The following PHKB variants were observed in gnomAD, a reference collection of about 807,000 sequenced individuals.
PHKB encodes phosphorylase b kinase regulatory subunit beta.
A neutral mutation model predicts 152.1 loss-of-function variants in PHKB; 122 were observed. The observed-to-expected ratio is 0.80, with a 90% CI of 0.69 to 0.93. The LOEUF is 0.93. Ranked by LOEUF, PHKB falls within the 40% of genes least tolerant of loss-of-function variation. The pLI, the probability that PHKB is intolerant of heterozygous loss-of-function variation, is 0.00. For synonymous variants in PHKB, 436 were observed against 464.9 expected, an observed-to-expected ratio of 0.94 and a Z score of 0.80; for missense variants, 1,304 against 1,328.4, an observed-to-expected ratio of 0.98 and a Z score of 0.29.
In PHKB at chr16:47,663,707, A is replaced by G. The variant is rs16945474; in HGVS notation, c.2309A>G (p.Tyr770Cys). The change falls in exon 24 of 31, where the codon TAT becomes TGT. Residue 770 changes from tyrosine (Y) to cysteine (C), a missense_variant. Coordinates refer to ENST00000323584, the MANE Select transcript of PHKB (RefSeq NM_000293.3). ...GTTTCTGATCACATTGAGAGAGTCTATAGAAGAGCTGGCAGCCAAAAACTT... is the reference window on the plus strand; with the variant it reads ...GTTTCTGATCACATTGAGAGAGTCTGTAGAAGAGCTGGCAGCCAAAAACTT... ...GTVSDHIERV[Y>C]RRAGSQKLWL... 0.044 allele frequency: 70,604 copies of G among 1,611,382 alleles called. 2,190 individuals are homozygous for G. The highest frequency in any genetic ancestry group is 0.16 in the African/African-American group (11,682 of 74,918).
At chr16:47,492,550 G>A (rs779515200) in intron 1 of PHKB, among the ~76,000 whole-genome samples, 1 of 152,176 alleles carries the variant, frequency 6.6e-6, no homozygotes, top group Non-Finnish European at 1.5e-5. Flanking sequence ...CTGGCTGGGG[G>A]AGCGGAAGGC....
intron 13 of PHKB, among the ~76,000 whole-genome samples, chr16:47,601,067 G>T (rs1192700949): frequency 3.3e-5 from 5 of 152,076 alleles, no homozygotes; most frequent in Non-Finnish European, 7.4e-5. Context: ...CCTGAGCTCT[G>T]CCCGCCAGCC....
At chr16:47,630,548 A>C (rs1972808979) in intron 14 of PHKB, among the ~76,000 whole-genome samples, 1 of 152,172 alleles carries the variant, frequency 6.6e-6, no homozygotes, top group African/African-American at 2.4e-5. Context: ...GAGTTTTCTT[A>C]AAACCTGATC....
chr16:47,598,138 A>G (rs1432701659), intron 13 of PHKB: 2 of 152,378 alleles, frequency 1.3e-5, no homozygotes, highest in Middle Eastern at 3.2e-3. Flanking sequence ...TGCTTTACAT[A>G]CATAAGATCA....
chr16:47,506,602 T>G (rs1369697235), intron 4 of PHKB, among the ~76,000 whole-genome samples: 1 of 152,238 alleles, frequency 6.6e-6, no homozygotes, highest in Non-Finnish European at 1.5e-5. Flanking sequence ...AATTCAACTT[T>G]TCTCTCTAGG....
chr16:47,483,034 C>CTTTT (rs35429055), intron 1 of PHKB, among the ~76,000 whole-genome samples: 44 of 91,826 alleles, frequency 4.8e-4, no homozygotes, highest in East Asian at 1.0e-3. Flanking sequence ...TAAATAATTT[C>CTTTT]TTTTTTTTTT....
At chr16:47,576,716 T>C (rs1489306596) in intron 7 of PHKB, among the ~76,000 whole-genome samples, 19 of 152,230 alleles carry the variant, frequency 1.2e-4, no homozygotes, top group Admixed American at 1.2e-3. Flanking sequence ...AATATCCTTC[T>C]CTGTCTCTGA....
At chr16:47,674,670 T>C (rs1973695852) in intron 26 of PHKB, among the ~76,000 whole-genome samples, 2 of 152,222 alleles carry the variant, frequency 1.3e-5, no homozygotes, top group Admixed American at 1.3e-4. Flanking sequence ...GAGGAAATAA[T>C]ATTTTCCTGA....
intron 1 of PHKB, among the ~76,000 whole-genome samples, chr16:47,496,514 C>G (rs898676343): frequency 3.3e-5 from 5 of 151,936 alleles, no homozygotes; most frequent in African/African-American, 4.8e-5. Flanking sequence ...ATTATAGGTT[C>G]ATTTTTGTGC....
intron 14 of PHKB, among the ~76,000 whole-genome samples, chr16:47,635,079 G>C (rs1175376916): frequency 6.6e-6 from 1 of 152,190 alleles, no homozygotes; most frequent in Non-Finnish European, 1.5e-5. Flanking sequence ...AAGTAGAGTA[G>C]TATTAGCAGT....
At chr16:47,545,784 C>T (rs1482619702) in intron 6 of PHKB, among the ~76,000 whole-genome samples, 4 of 152,144 alleles carry the variant, frequency 2.6e-5, no homozygotes, top group East Asian at 3.8e-4. Context: ...AGGCCTTGTT[C>T]GTTTCTTTTT....
At position 47,701,302 on chromosome 16, in the gene PHKB, GA is replaced by G. The variant is rs1416983265; in HGVS notation, c.*1940del. The G allele has an allele frequency of 2.0e-5, 3 of 152,290 alleles. No individual in the cohort carries two copies. The highest frequency in any genetic ancestry group is 2.9e-5 in the Non-Finnish European group (2 of 68,022). 9.4% of individuals were successfully genotyped at this position (152,290 alleles called of 1,614,324 possible). A position where few individuals can be genotyped will look rare whatever the true frequency, so the allele number is the denominator to read the frequency against. ...TCTGATTAGCTGAGCAAAGTTACCA[GA>G]AAACTGCTATCCTAGTTGAAATCAA... On this transcript the variant is annotated 3_prime_UTR_variant, in exon 31 of 31. Transcript: ENST00000323584.
intron 9 of PHKB, 31 bp from the exon 10 acceptor site, chr16:47,588,874 A>G (rs1307526956): frequency 1.3e-6 from 2 of 1,570,564 alleles, no homozygotes; most frequent in Non-Finnish European, 8.8e-7. Flanking sequence ...CGCTGTGGAC[A>G]CTCACAGTCT....
chr16:47,559,604 A>C (rs897140440), intron 7 of PHKB, among the ~76,000 whole-genome samples: 5 of 152,142 alleles, frequency 3.3e-5, no homozygotes, highest in Admixed American at 6.5e-5. Flanking sequence ...GGACCTGTCC[A>C]CTGGAAGGCC....
At position 47,701,311 on chromosome 16, in the gene PHKB, T is replaced by C. The variant is rs891301418; in HGVS notation, c.*1945T>C. ...CTGAGCAAAGTTACCAGAAAACTGC[T>C]ATCCTAGTTGAAATCAAACATTACT... On this transcript the variant is annotated 3_prime_UTR_variant, in exon 31 of 31. Transcript: ENST00000323584. 3.3e-5 allele frequency: 5 copies of C among 152,256 alleles called. No homozygotes were observed. The highest frequency in any genetic ancestry group is 2.6e-4 in the Admixed American group (4 of 15,288). 9.4% of individuals were successfully genotyped at this position (152,256 alleles called of 1,614,324 possible).
At chr16:47,535,977 A>G (rs1372654944) in intron 6 of PHKB, among the ~76,000 whole-genome samples, 2 of 152,232 alleles carry the variant, frequency 1.3e-5, no homozygotes, top group African/African-American at 2.4e-5. Context: ...ATGGGCTAAC[A>G]ACATTGAGTA....
At chr16:47,655,352 A>G (rs902280383) in intron 20 of PHKB, among the ~76,000 whole-genome samples, 1 of 152,216 alleles carries the variant, frequency 6.6e-6, no homozygotes, top group Non-Finnish European at 1.5e-5. Flanking sequence ...AGAAATCAAA[A>G]TACTTTCAAG....
chr16:47,476,378 C>CT (rs1264487950), intron 1 of PHKB, among the ~76,000 whole-genome samples: 1 of 151,946 alleles, frequency 6.6e-6, no homozygotes, highest in South Asian at 2.1e-4. Context: ...GTTTGGTTAT[C>CT]TTTTTTTCAT....
At chr16:47,465,519 A>G (rs1320637944) in intron 1 of PHKB, among the ~76,000 whole-genome samples, 1 of 152,228 alleles carries the variant, frequency 6.6e-6, no homozygotes, top group Non-Finnish European at 1.5e-5. Flanking sequence ...GAAAAATATC[A>G]AACTTTAGTG....
Sources: allele counts gnomAD v4.1 joint callset (sites outside exome capture counted in the v4.1 genomes callset), GRCh38; gene constraint gnomAD v4.1.1; transcripts MANE v1.5; gene names NCBI Gene and HGNC (gene_info 2026-07-23, HGNC 2026-07-21).